SULT1B1: variants seen among roughly 807,000 people sequenced by gnomAD.
SULT1B1 encodes the protein sulfotransferase 1B1.
Under a neutral mutation model 34.6 loss-of-function variants are expected in SULT1B1, and 28 were observed. The observed-to-expected ratio is 0.81, with a 90% CI of 0.60 to 1.11. The LOEUF (loss-of-function observed/expected upper bound fraction) is 1.11, where lower values mean the gene tolerates loss of function less well. Ranked by LOEUF, SULT1B1 falls within the 50% of genes least tolerant of loss-of-function variation. The pLI, the probability that SULT1B1 is intolerant of heterozygous loss-of-function variation, is 0.00. For missense variants in SULT1B1, 374 were observed against 352.2 expected, an observed-to-expected ratio of 1.06 and a Z score of -0.50; for synonymous variants, 147 against 110.2, an observed-to-expected ratio of 1.33 and a Z score of -2.09.
rs919278804 is a variant in SULT1B1, at chr4:69,724,205, A to C, written c.*2883T>G. On this transcript the variant is annotated 3_prime_UTR_variant, in exon 8 of 8. Transcript: ENST00000310613. ...CAGGATACAAAATCAATGTACAAAA[A>C]TCACAAGCATTCTTATACACCAATA... 1 of 152,216 alleles carries C rather than the reference A, an allele frequency of 6.6e-6. No individual in the cohort carries two copies. The highest frequency in any genetic ancestry group is 1.5e-5 in the Non-Finnish European group (1 of 68,042). 9.4% of individuals were successfully genotyped at this position (152,216 alleles called of 1,614,324 possible).
At chr4:69,747,030 G>T (rs1718774235) in intron 4 of SULT1B1, among the ~76,000 whole-genome samples, 1 of 152,178 alleles carries the variant, frequency 6.6e-6, no homozygotes, top group African/African-American at 2.4e-5. Flanking sequence ...GAGAACCTTT[G>T]CTTTGTTCTC....
chr4:69,749,539 G>A (rs959067669), intron 4 of SULT1B1, among the ~76,000 whole-genome samples, 182 bp downstream of exon 4: 2 of 152,198 alleles, frequency 1.3e-5, no homozygotes. Context: ...GAAAACTTGA[G>A]TATATAAACT....
chr4:69,745,737 T>C (rs567155992), intron 4 of SULT1B1, among the ~76,000 whole-genome samples: 1 of 152,330 alleles, frequency 6.6e-6, no homozygotes, highest in South Asian at 2.1e-4. Flanking sequence ...ATGTGAAGAT[T>C]TGATCCTGTA....
At chr4:69,757,121 T>A (rs1333276980) in intron 1 of SULT1B1, among the ~76,000 whole-genome samples, 1 of 152,188 alleles carries the variant, frequency 6.6e-6, no homozygotes, top group Non-Finnish European at 1.5e-5. Context: ...ACTTTGTAAG[T>A]AAAACCATAG....
intron 3 of SULT1B1, 122 bp from the exon 4 acceptor site, chr4:69,749,940 A>G: frequency 6.0e-6 from 4 of 669,054 alleles, no homozygotes; most frequent in Non-Finnish European, 2.7e-6. Context: ...AAATTCTGAA[A>G]CAATCACAGG....
chr4:69,747,257 G>A (rs77150244), intron 4 of SULT1B1, among the ~76,000 whole-genome samples: 7,082 of 152,292 alleles, frequency 0.047, 235 homozygotes, highest in East Asian at 0.093. Context: ...GGGTAGCAGG[G>A]GTAGGCTGCA....
chr4:69,733,487 T>A lies in SULT1B1; in HGVS notation c.523A>T (p.Thr175Ser). The A allele has an allele frequency of 6.2e-7, 1 of 1,607,304 alleles. No homozygotes were observed. The highest frequency in any genetic ancestry group is 8.5e-7 in the Non-Finnish European group (1 of 1,177,464). ...TGKVAYGSWFTHVKNWWKKKE... is the reference protein window; with the variant it reads ...TGKVAYGSWFSHVKNWWKKKE... ...TTCTTCCACCAGTTTTTAACATGAG[T>A]AAACCAGGAACCATAGGCCACTAAA... The change falls in exon 6 of 8, where the codon ACT (threonine) becomes TCT (serine). Residue 175 changes from threonine to serine, a missense_variant. By Grantham distance (58) the Thr-to-Ser change is moderately conservative (BLOSUM62 1). Coordinates refer to ENST00000310613, the MANE Select transcript of SULT1B1 (RefSeq NM_014465.4).
intron 7 of SULT1B1, among the ~76,000 whole-genome samples, chr4:69,729,951 T>C (rs1490603912): frequency 6.6e-6 from 1 of 152,172 alleles, no homozygotes; most frequent in African/African-American, 2.4e-5. Flanking sequence ...CAACAGTAAA[T>C]GCCATATTCT....
rs1323299052 is a variant in SULT1B1, at chr4:69,723,797, C to T, written c.*3291G>A. ...AACCACATGATTATCTCAATAGATG[C>T]AGAAAAGGCCTTTGACAAAATTCAA... On this transcript the variant is annotated 3_prime_UTR_variant, in exon 8 of 8. Transcript: ENST00000310613. 6.6e-6 allele frequency: 1 copy of T among 152,138 alleles called. No homozygotes were observed. The highest frequency in any genetic ancestry group is 1.5e-5 in the Non-Finnish European group (1 of 68,032). 9.4% of individuals were successfully genotyped at this position (152,138 alleles called of 1,614,324 possible).
chr4:69,753,509 T>C (rs1719063108), intron 3 of SULT1B1, among the ~76,000 whole-genome samples: 1 of 152,224 alleles, frequency 6.6e-6, no homozygotes, highest in Admixed American at 6.5e-5. Flanking sequence ...AAGTCCTACA[T>C]GGTCTATCCT....
At chr4:69,749,648 T>A (rs529107797) in intron 4 of SULT1B1, 73 bp downstream of exon 4, 16 of 1,111,736 alleles carry the variant, frequency 1.4e-5, no homozygotes, top group South Asian at 1.4e-4. Context: ...AAAAATATTT[T>A]AAAAAATAAA....
chr4:69,727,346 C>A (rs1041296873), intron 7 of SULT1B1, 146 bp from the exon 8 acceptor site: 2 of 493,536 alleles, frequency 4.1e-6, no homozygotes, highest in African/African-American at 4.0e-5. Flanking sequence ...TTGTATTAAC[C>A]TTTAAATTTT....
chr4:69,725,255 C>A lies in SULT1B1; in HGVS notation c.*1833G>T, dbSNP rs1407045239. On this transcript the variant is annotated 3_prime_UTR_variant, in exon 8 of 8. Transcript: ENST00000310613. Reference sequence around the variant, plus strand: ...CAAAAGAAGACATTTATGCAGCCAACAGACACATGAAAAAATGCTCATCAT... The same window carrying A: ...CAAAAGAAGACATTTATGCAGCCAAAAGACACATGAAAAAATGCTCATCAT... The A allele has an allele frequency of 3.3e-5, 5 of 151,914 alleles. No homozygotes were observed. The highest frequency in any genetic ancestry group is 2.6e-4 in the Admixed American group (4 of 15,244). The allele number at this position is 151,914 out of a possible 1,614,324, so 9.4% of individuals were successfully genotyped here.
intron 4 of SULT1B1, among the ~76,000 whole-genome samples, chr4:69,749,403 A>G (rs1718882215): frequency 6.6e-6 from 1 of 152,142 alleles, no homozygotes; most frequent in African/African-American, 2.4e-5. Flanking sequence ...AATTATACCA[A>G]ATCTTCAAAT....
chr4:69,730,405 G>C, intron 7 of SULT1B1, 96 bp downstream of exon 7: 1 of 1,155,318 alleles, frequency 8.7e-7, no homozygotes, highest in African/African-American at 1.5e-5. Context: ...GCTTAAACAG[G>C]CTAAGAAACT....
chr4:69,742,836 G>T (rs1472981169), intron 4 of SULT1B1, among the ~76,000 whole-genome samples: 1 of 152,248 alleles, frequency 6.6e-6, no homozygotes, highest in African/African-American at 2.4e-5. Flanking sequence ...CGGCCTGCCA[G>T]CTGCGGTGCG....
rs1359634240 is a variant in SULT1B1, at chr4:69,724,950, C to A, written c.*2138G>T. On this transcript the variant is annotated 3_prime_UTR_variant, in exon 8 of 8. Coordinates refer to ENST00000310613, the MANE Select transcript of SULT1B1 (RefSeq NM_014465.4). ...AAAACCTAGGCAATATCATTCAGGACATAGGCATGGGCAAGGACTTCATGT... is the reference window on the plus strand; with the variant it reads ...AAAACCTAGGCAATATCATTCAGGAAATAGGCATGGGCAAGGACTTCATGT... 6.6e-6 allele frequency: 1 copy of A among 152,156 alleles called. No individual in the cohort carries two copies. Among genetic ancestry groups the A allele is most frequent in the Non-Finnish European group, 1.5e-5 (1 of 68,038 alleles). The allele number at this position is 152,156 out of a possible 1,614,324, so 9.4% of individuals were successfully genotyped here.
intron 1 of SULT1B1, among the ~76,000 whole-genome samples, chr4:69,759,196 A>G (rs1027184474): frequency 3.9e-5 from 6 of 152,210 alleles, no homozygotes; most frequent in African/African-American, 1.4e-4. Flanking sequence ...TGTGGATAAG[A>G]TTAGGAAACA....
rs935190140 is a variant in SULT1B1, at chr4:69,725,754, AGCAAACTATTGCAAGAAC to A, written c.*1316_*1333del. The A allele has an allele frequency of 3.3e-5, 5 of 152,034 alleles. No individual in the cohort carries two copies. Among genetic ancestry groups the A allele is most frequent in the African/African-American group, 1.2e-4 (5 of 41,480 alleles). The allele number at this position is 152,034 out of a possible 1,614,324, so 9.4% of individuals were successfully genotyped here. A position where few individuals can be genotyped will look rare whatever the true frequency, so the allele number is the denominator to read the frequency against. ...GATAAAGCTGGAAACCATACTTTTC[AGCAAACTATTGCAAGAAC>A]AAAAAAACCAAACACCTCATGTTCT... is the stretch of plus-strand genomic sequence containing the variant. On this transcript the variant is annotated 3_prime_UTR_variant, in exon 8 of 8. Transcript: ENST00000310613.
Sources: allele counts gnomAD v4.1 joint callset (sites outside exome capture counted in the v4.1 genomes callset), GRCh38; gene constraint gnomAD v4.1.1; transcripts MANE v1.5; gene names NCBI Gene and HGNC (gene_info 2026-07-23, HGNC 2026-07-21).